FRAS1: variants seen among roughly 807,000 people sequenced by gnomAD.
FRAS1 encodes extracellular matrix organizing protein FRAS1.
Under a neutral mutation model 435.2 loss-of-function variants are expected in FRAS1, and 290 were observed. The observed-to-expected ratio is 0.67, with a 90% CI of 0.61 to 0.73. The LOEUF is 0.73. Ranked by LOEUF, FRAS1 falls within the 30% of genes least tolerant of loss-of-function variation. FRAS1 has a pLI of 0.00. For missense variants in FRAS1, 4,860 were observed against 5,001.5 expected, an observed-to-expected ratio of 0.97 and a Z score of 0.85; for synonymous variants, 1,800 against 1,851.0, an observed-to-expected ratio of 0.97 and a Z score of 0.71.
chr4:78,151,779 A>T (rs1412905103), intron 2 of FRAS1, among the ~76,000 whole-genome samples: 2 of 152,196 alleles, frequency 1.3e-5, no homozygotes, highest in Admixed American at 1.3e-4. Context: ...AGAGAATGTC[A>T]AGAGATCGGA....
At chr4:78,233,612 C>A (rs937478470) in intron 2 of FRAS1, among the ~76,000 whole-genome samples, 5 of 152,222 alleles carry the variant, frequency 3.3e-5, no homozygotes, top group African/African-American at 4.8e-5. Context: ...AAGTGCCAGA[C>A]ACTGTTCACA....
intron 2 of FRAS1, among the ~76,000 whole-genome samples, chr4:78,203,527 G>C (rs1560579050): frequency 6.6e-6 from 1 of 151,984 alleles, no homozygotes; most frequent in Non-Finnish European, 1.5e-5. Flanking sequence ...GTTTCTTCTT[G>C]TTTCAGCTCT....
At chr4:78,307,360 G>C (rs886400214) in intron 14 of FRAS1, among the ~76,000 whole-genome samples, 3 of 152,376 alleles carry the variant, frequency 2.0e-5, no homozygotes, top group African/African-American at 7.2e-5. Context: ...TATAGAGGCA[G>C]GCAGGCCTCC....
At chr4:78,122,207 ATGAG>A (rs1719071468) in intron 2 of FRAS1, among the ~76,000 whole-genome samples, 1 of 151,868 alleles carries the variant, frequency 6.6e-6, no homozygotes, top group Non-Finnish European at 1.5e-5. Flanking sequence ...ATTCCCACTT[ATGAG>A]TGAGAACATT....
chr4:78,071,377 C>T (rs9284616), intron 2 of FRAS1: 17,442 of 152,194 alleles, frequency 0.11, 1,085 homozygotes, highest in Middle Eastern at 0.18. Context: ...GCAAGGAACA[C>T]GTACTCACAT....
rs577201239 is a variant in FRAS1 at position 78,059,510 on chromosome 4, A to G, written c.76+1425A>G. On this transcript the variant is annotated intron_variant, in intron 1 of 73. Coordinates refer to ENST00000512123, the MANE Select transcript of FRAS1 (RefSeq NM_025074.7). ...TGTGCGTGTGGGCGCGTACTTTGGAAAAAAAAAAAAAAAGCTTGTAGGGCT... is the reference window on the plus strand; with the variant it reads ...TGTGCGTGTGGGCGCGTACTTTGGAGAAAAAAAAAAAAAGCTTGTAGGGCT... Among the ~76,000 whole-genome samples, 625 of 97,132 alleles carry G rather than the reference A, an allele frequency of 6.4e-3. 5 individuals carry two copies. The highest frequency in any genetic ancestry group is 0.023 in the African/African-American group (568 of 25,176). The allele number at this position is 97,132 out of a possible 152,430, so 63.7% of individuals were successfully genotyped here. A position where few individuals can be genotyped will look rare whatever the true frequency, so the allele number is the denominator to read the frequency against.
chr4:78,096,220 C>CG (rs1560518581), intron 2 of FRAS1, among the ~76,000 whole-genome samples: 1 of 152,124 alleles, frequency 6.6e-6, no homozygotes, highest in East Asian at 1.9e-4. Flanking sequence ...TCTTGCATCC[C>CG]GGTCACACTG....
At chr4:78,131,663 G>C (rs1323311225) in intron 2 of FRAS1, among the ~76,000 whole-genome samples, 1 of 152,204 alleles carries the variant, frequency 6.6e-6, no homozygotes, top group Non-Finnish European at 1.5e-5. Flanking sequence ...GAGGGTGTGT[G>C]TCTCTCCGAG....
In FRAS1 at chr4:78,355,305, C is replaced by T. The variant is rs187418072; in HGVS notation, c.2423-8208C>T. Among the ~76,000 whole-genome samples, 273 of 152,214 alleles carry T rather than the reference C, an allele frequency of 1.8e-3. 1 individual carries two copies. The highest frequency in any genetic ancestry group is 6.3e-3 in the African/African-American group (263 of 41,538). On this transcript the variant is annotated intron_variant, in intron 20 of 73. Coordinates refer to ENST00000512123, the MANE Select transcript of FRAS1 (RefSeq NM_025074.7). ...AACTGGAATTCCATCTGTGCTCCCCCCACATACTTATTATACATCAGTAAT... is the reference window on the plus strand; with the variant it reads ...AACTGGAATTCCATCTGTGCTCCCCTCACATACTTATTATACATCAGTAAT...
chr4:78,293,390 C>T (rs538301214), intron 14 of FRAS1, among the ~76,000 whole-genome samples: 2 of 152,300 alleles, frequency 1.3e-5, no homozygotes, highest in East Asian at 1.9e-4. Flanking sequence ...AATGTACAGG[C>T]ATGACTAAAC....
At chr4:78,328,666 A>T (rs902504554) in intron 18 of FRAS1, among the ~76,000 whole-genome samples, 14 of 152,204 alleles carry the variant, frequency 9.2e-5, no homozygotes, top group African/African-American at 2.9e-4. Flanking sequence ...CTAACTGTGA[A>T]ACCATGCCCT....
At chr4:78,340,913 A>C (rs1297265184) in intron 20 of FRAS1, among the ~76,000 whole-genome samples, 1 of 152,184 alleles carries the variant, frequency 6.6e-6, no homozygotes, top group East Asian at 1.9e-4. Context: ...TAACTTAATT[A>C]CCTCTTTAAA....
intron 14 of FRAS1, among the ~76,000 whole-genome samples, chr4:78,301,597 C>T (rs1728398685): frequency 6.6e-6 from 1 of 152,098 alleles, no homozygotes; most frequent in South Asian, 2.1e-4. Flanking sequence ...GACTAGAGTC[C>T]AGGGAATCCC....
At chr4:78,134,485 T>C (rs1285640790) in intron 2 of FRAS1, among the ~76,000 whole-genome samples, 5 of 152,192 alleles carry the variant, frequency 3.3e-5, no homozygotes, top group Non-Finnish European at 7.3e-5. Flanking sequence ...TTCTGGAAAG[T>C]CATTGATCCA....
At chr4:78,329,847 C>T (rs1047332439) in intron 18 of FRAS1, among the ~76,000 whole-genome samples, 4 of 152,210 alleles carry the variant, frequency 2.6e-5, no homozygotes, top group African/African-American at 7.2e-5. Flanking sequence ...GGCATTAGAT[C>T]AGGTGGCAGA....
intron 51 of FRAS1, among the ~76,000 whole-genome samples, chr4:78,471,061 AAAG>A (rs766045366): frequency 6.6e-6 from 1 of 152,180 alleles, no homozygotes; most frequent in African/African-American, 2.4e-5. Flanking sequence ...CATAAATGAG[AAAG>A]AAGCGGGGCA....
intron 60 of FRAS1, 30 bp downstream of exon 60, chr4:78,496,991 T>C: frequency 6.3e-7 from 1 of 1,585,534 alleles, no homozygotes; most frequent in Non-Finnish European, 8.6e-7. Context: ...TTAGTTACTC[T>C]TAGGTTGAGG....
At position 78,329,064 on chromosome 4, in the gene FRAS1, A is replaced by G. The variant is rs10033319; in HGVS notation, c.2138-4208A>G. Among the ~76,000 whole-genome samples the G allele has an allele frequency of 7.3e-3, 1,114 of 152,292 alleles. 14 individuals are homozygous for G. Among genetic ancestry groups the G allele is most frequent in the African/African-American group, 0.025 (1,031 of 41,552 alleles). ...AAAAACTATTCTGACTGTTGTTCCC[A>G]CTACCATCCCACTCTCTCAGTATCA... On this transcript the variant is annotated intron_variant, in intron 18 of 73. Transcript: ENST00000512123.
rs369346838 is a variant in FRAS1, at chr4:78,469,997, A to G, written c.7277A>G (p.Gln2426Arg). The change falls in exon 51 of 74, where the codon CAG becomes CGG. Residue 2426 changes from glutamine (Q) to arginine (R), a missense_variant. Transcript: ENST00000512123. ...GGKEIMTAAP[Q>R]PFRVDILPVD... ...CTTCAGATTATGACAGCAGCACCTC[A>G]GCCGTTCCGAGTAGACATCCTCCCG... 2 of 1,613,388 alleles carry G rather than the reference A, an allele frequency of 1.2e-6. No homozygotes were observed. Among genetic ancestry groups the G allele is most frequent in the Non-Finnish European group, 1.7e-6 (2 of 1,179,684 alleles).
Sources: allele counts gnomAD v4.1 joint callset (sites outside exome capture counted in the v4.1 genomes callset), GRCh38; gene constraint gnomAD v4.1.1; transcripts MANE v1.5; gene names NCBI Gene and HGNC (gene_info 2026-07-23, HGNC 2026-07-21).